The following RHOJ variants were observed in gnomAD, a reference collection of about 807,000 sequenced individuals.
RHOJ encodes the protein rho-related GTP-binding protein RhoJ.
In RHOJ, 11 loss-of-function variants were observed where a neutral mutation model predicts 23.4. That is an observed-to-expected ratio of 0.47 (90% CI 0.30 to 0.78). The LOEUF (loss-of-function observed/expected upper bound fraction) is 0.78, where lower values mean the gene tolerates loss of function less well. Among genes scored for constraint, RHOJ ranks in the 30% least tolerant of loss-of-function variants. RHOJ has a pLI of 0.08. For synonymous variants in RHOJ, 102 were observed against 102.7 expected, an observed-to-expected ratio of 0.99 and a Z score of 0.04; for missense variants, 254 against 273.4, an observed-to-expected ratio of 0.93 and a Z score of 0.50.
chr14:63,270,673 A>G (rs927268109), intron 2 of RHOJ, among the ~76,000 whole-genome samples: 3 of 152,228 alleles, frequency 2.0e-5, no homozygotes, highest in African/African-American at 7.2e-5. Context: ...GTCCCCATTC[A>G]TCAGGAACTC....
At chr14:63,249,112 G>A (rs1193269010) in intron 1 of RHOJ, among the ~76,000 whole-genome samples, 4 of 152,210 alleles carry the variant, frequency 2.6e-5, no homozygotes, top group Non-Finnish European at 5.9e-5. Context: ...GCATATGGCT[G>A]AGAAGCTCAG....
chr14:63,232,161 C>T (rs1894707538), intron 1 of RHOJ, among the ~76,000 whole-genome samples: 1 of 152,200 alleles, frequency 6.6e-6, no homozygotes, highest in Non-Finnish European at 1.5e-5. Flanking sequence ...CTATGAGTTT[C>T]ATCAAATCAT....
chr14:63,281,159 G>T (rs749117888), intron 3 of RHOJ, 24 bp downstream of exon 3: 1 of 1,582,516 alleles, frequency 6.3e-7, no homozygotes, highest in Non-Finnish European at 8.6e-7. Context: ...CGATGGCAGG[G>T]TGGAGCGGGC....
intron 1 of RHOJ, among the ~76,000 whole-genome samples, chr14:63,246,916 G>A (rs1486307926): frequency 6.6e-6 from 1 of 152,038 alleles, no homozygotes; most frequent in African/African-American, 2.4e-5. Context: ...TATGAGAGGG[G>A]GCTTCAGAGT....
chr14:63,276,181 C>A (rs1337091926), intron 2 of RHOJ, among the ~76,000 whole-genome samples: 1 of 150,958 alleles, frequency 6.6e-6, no homozygotes, highest in African/African-American at 2.5e-5. Context: ...ACTGATGGTG[C>A]AGCCTCTCCC....
chr14:63,233,549 C>A (rs1338889939), intron 1 of RHOJ, among the ~76,000 whole-genome samples: 2 of 152,140 alleles, frequency 1.3e-5, no homozygotes, highest in African/African-American at 4.8e-5. Flanking sequence ...TAGCTAACAA[C>A]TGAAATAACA....
At chr14:63,238,599 C>A (rs1201750120) in intron 1 of RHOJ, among the ~76,000 whole-genome samples, 3 of 151,932 alleles carry the variant, frequency 2.0e-5, no homozygotes, top group Non-Finnish European at 4.4e-5. Context: ...TTTTTGTATT[C>A]TTTTTAGAGA....
At chr14:63,225,108 C>T (rs1355385585) in intron 1 of RHOJ, among the ~76,000 whole-genome samples, 1 of 152,076 alleles carries the variant, frequency 6.6e-6, no homozygotes, top group Non-Finnish European at 1.5e-5. Context: ...CCCGCCACTA[C>T]ACCCGTCTAA....
At chr14:63,239,171 G>C (rs1594760884) in intron 1 of RHOJ, among the ~76,000 whole-genome samples, 1 of 152,014 alleles carries the variant, frequency 6.6e-6, no homozygotes, top group African/African-American at 2.4e-5. Flanking sequence ...GAGTTCAGTG[G>C]CACAATCTCG....
At chr14:63,238,721 C>G (rs927211918) in intron 1 of RHOJ, among the ~76,000 whole-genome samples, 1 of 152,162 alleles carries the variant, frequency 6.6e-6, no homozygotes, top group Non-Finnish European at 1.5e-5. Context: ...TGCACCTGGC[C>G]TATGTACTTT....
chr14:63,287,033 T>A lies in RHOJ; in HGVS notation c.498+3817T>A, dbSNP rs374594699. On this transcript the variant is annotated intron_variant, in intron 4 of 4. Coordinates refer to ENST00000316754, the MANE Select transcript of RHOJ (RefSeq NM_020663.5). ...CAGAACTACTCTGCTACTAGCCATTTCTTTAGATACGAGCTTACTCTGTTT... is the reference window on the plus strand; with the variant it reads ...CAGAACTACTCTGCTACTAGCCATTACTTTAGATACGAGCTTACTCTGTTT... Among the ~76,000 whole-genome samples, 21 of 152,380 alleles carry A rather than the reference T, an allele frequency of 1.4e-4. No individual in the cohort carries two copies. The East Asian group carries it at 3.1e-3, about 22-fold the overall frequency.
At chr14:63,209,291 C>A (rs1894181988) in intron 1 of RHOJ, among the ~76,000 whole-genome samples, 1 of 152,166 alleles carries the variant, frequency 6.6e-6, no homozygotes, top group Non-Finnish European at 1.5e-5. Flanking sequence ...CCTTAACACT[C>A]AGACCCAACC....
intron 1 of RHOJ, among the ~76,000 whole-genome samples, chr14:63,213,302 T>G (rs1401201920): frequency 6.6e-6 from 1 of 152,194 alleles, no homozygotes. Context: ...TCCCAACTAG[T>G]GGTCCTCAGT....
At chr14:63,258,700 G>C (rs184829498) in intron 1 of RHOJ, among the ~76,000 whole-genome samples, 1 of 152,290 alleles carries the variant, frequency 6.6e-6, no homozygotes, top group Admixed American at 6.5e-5. Flanking sequence ...TGCTGTTAAA[G>C]AGGGTAGAAG....
intron 4 of RHOJ, among the ~76,000 whole-genome samples, chr14:63,286,336 AAG>A (rs1882081737): frequency 6.6e-6 from 1 of 152,214 alleles, no homozygotes; most frequent in African/African-American, 2.4e-5. Context: ...GGTAGCACAG[AAG>A]AGAGAGAGAC....
intron 1 of RHOJ, among the ~76,000 whole-genome samples, chr14:63,251,450 A>AT (rs1895069996): frequency 6.6e-6 from 1 of 152,162 alleles, no homozygotes; most frequent in Non-Finnish European, 1.5e-5. Context: ...ATAGAAAAGA[A>AT]TTTTTCACAG....
chr14:63,236,975 A>G (rs1292150882), intron 1 of RHOJ, among the ~76,000 whole-genome samples: 1 of 152,212 alleles, frequency 6.6e-6, no homozygotes, highest in African/African-American at 2.4e-5. Context: ...TTCTATGCAA[A>G]TAGTTGTTAT....
Position 63,261,089 on chromosome 14 carries a change from C to T in RHOJ, c.179-8021C>T, listed in dbSNP as rs117293700. Among the ~76,000 whole-genome samples, 698 of 152,342 alleles carry T rather than the reference C, an allele frequency of 4.6e-3. 26 individuals are homozygous for T. The East Asian group carries it at 0.1, about 23-fold the overall frequency. ...AGTGTGAAGTGTCCACATTCACCAG[C>T]ACTGGGTATTTCTTCTCTTCGTCAT... On this transcript the variant is annotated intron_variant, in intron 1 of 4. Transcript: ENST00000316754.
At chr14:63,205,199 T>TA in intron 1 of RHOJ, 152 bp downstream of exon 1, 1 of 745,708 alleles carries the variant, frequency 1.3e-6, no homozygotes, top group South Asian at 1.9e-5. Flanking sequence ...ACCCAGGACT[T>TA]GACTGTTGGT....
Sources: gnomAD v4.1 joint callset for allele counts (sites outside exome capture counted in the v4.1 genomes callset) on GRCh38, gnomAD v4.1.1 for gene constraint, MANE v1.5 for transcripts, NCBI Gene and HGNC (gene_info 2026-07-23, HGNC 2026-07-21) for gene names.